The following MYO18B variants were observed in gnomAD, a reference collection of about 807,000 sequenced individuals.
The protein encoded by MYO18B is myosin XVIIIB, also known as unconventional myosin-XVIIIb.
A neutral mutation model predicts 273.0 loss-of-function variants in MYO18B; 204 were observed. The ratio of observed to expected loss-of-function variants is 0.75; its 90% CI spans 0.67 to 0.84. The LOEUF is 0.84. MYO18B is among the 40% of genes least tolerant of loss of function. MYO18B has a pLI of 0.00. For missense variants in MYO18B, 3,212 were observed against 3,287.6 expected, an observed-to-expected ratio of 0.98 and a Z score of 0.56; for synonymous variants, 1,330 against 1,305.7, an observed-to-expected ratio of 1.02 and a Z score of -0.40.
chr22:26,021,754 C>T (rs1410323693), intron 42 of MYO18B, among the ~76,000 whole-genome samples: 2 of 152,178 alleles, frequency 1.3e-5, no homozygotes, highest in African/African-American at 4.8e-5. Context: ...TGTGTGCTTG[C>T]AGAGGTTACT....
the MYO18B span, among the ~76,000 whole-genome samples, chr22:26,051,213 T>TC: frequency 4.5e-4 from 64 of 143,686 alleles, no homozygotes; most frequent in African/African-American, 1.4e-3. Context: ...GGATAATTGG[T>TC]CCCTTTTTTT....
At chr22:25,925,340 C>T (rs1170900302) in intron 34 of MYO18B, among the ~76,000 whole-genome samples, 1 of 151,950 alleles carries the variant, frequency 6.6e-6, no homozygotes, top group Non-Finnish European at 1.5e-5. Flanking sequence ...ATTTATCCCT[C>T]AGAACACCCT....
At chr22:25,929,194 TATAAC>T (rs1286512031) in intron 34 of MYO18B, among the ~76,000 whole-genome samples, 1 of 147,356 alleles carries the variant, frequency 6.8e-6, no homozygotes, top group Non-Finnish European at 1.5e-5. Flanking sequence ...GATCTCAAAA[TATAAC>T]ATAACATCCC....
chr22:25,849,741 AT>A (rs1234034904), intron 20 of MYO18B, among the ~76,000 whole-genome samples: 2 of 152,196 alleles, frequency 1.3e-5, no homozygotes, highest in African/African-American at 4.8e-5. Context: ...CCTAGAGCTT[AT>A]CTCCCTGTCC....
At position 25,771,000 on chromosome 22, in the gene MYO18B, C is replaced by G; in HGVS notation, c.1692+16C>G. ...TGTCCATCGGGTGAGTCCCCTGTCC[C>G]GCCGTCCCCCAGCATGAGTCCCCTG... On this transcript the variant is annotated intron_variant, in intron 6 of 43. Coordinates refer to ENST00000335473, the MANE Select transcript of MYO18B (RefSeq NM_032608.7). The G allele has an allele frequency of 6.5e-7, 1 of 1,527,110 alleles. No homozygotes were observed. The highest frequency in any genetic ancestry group is 8.9e-7 in the Non-Finnish European group (1 of 1,124,688). 94.6% of individuals were successfully genotyped at this position (1,527,110 alleles called of 1,614,324 possible).
At chr22:25,814,873 G>T (rs1475141781) in intron 12 of MYO18B, among the ~76,000 whole-genome samples, 3 of 152,174 alleles carry the variant, frequency 2.0e-5, no homozygotes, top group Admixed American at 6.5e-5. Context: ...CCCATTTTAT[G>T]GATGAGTAAG....
chr22:25,944,633 A>G (rs2092683285), intron 34 of MYO18B, among the ~76,000 whole-genome samples: 1 of 152,112 alleles, frequency 6.6e-6, no homozygotes, highest in South Asian at 2.1e-4. Flanking sequence ...GCAGATCACA[A>G]GGTCAGGAGT....
At chr22:26,061,228 T>C in the MYO18B span, among the ~76,000 whole-genome samples, 2 of 152,210 alleles carry the variant, frequency 1.3e-5, no homozygotes, top group African/African-American at 4.8e-5. Context: ...TGTTAGTAAA[T>C]TCCTCAGCCC....
rs71191082 is a variant in MYO18B, at chr22:25,836,964, A to AAATAATAATAAT, written c.3208+1557_3208+1568dup. On this transcript the variant is annotated intron_variant, in intron 17 of 43. Transcript: ENST00000335473. ...ACAACAAGAGTGAAATTCCATCTCAAAATAATAATAATAATAATAATAATA... is the reference window on the plus strand; with the variant it reads ...ACAACAAGAGTGAAATTCCATCTCAAAATAATAATAATAATAATAATAATAATAATAATAATA... Among the ~76,000 whole-genome samples, 576 of 142,146 alleles carry AAATAATAATAAT rather than the reference A, an allele frequency of 4.1e-3. 3 individuals are homozygous for AAATAATAATAAT. Among genetic ancestry groups the AAATAATAATAAT allele is most frequent in the Non-Finnish European group, 4.0e-3 (265 of 65,742 alleles). 93.3% of individuals were successfully genotyped at this position (142,146 alleles called of 152,430 possible). A position where few individuals can be genotyped will look rare whatever the true frequency, so the allele number is the denominator to read the frequency against.
intron 23 of MYO18B, 143 bp from the exon 24 acceptor site, chr22:25,876,040 GTGTGTA>G (rs56376054): frequency 0.015 from 6,914 of 465,266 alleles, 161 homozygotes; most frequent in African/African-American, 0.064. Context: ...GTGTGTGTGT[GTGTGTA>G]TGTGTTTTAA....
chr22:26,006,399 A>G (rs999032165), intron 42 of MYO18B: 5 of 246,154 alleles, frequency 2.0e-5, no homozygotes, highest in Non-Finnish European at 4.3e-5. Context: ...TTTACATTGT[A>G]ATGGCCTGTT....
At chr22:25,953,907 A>G (rs535228701) in intron 38 of MYO18B, among the ~76,000 whole-genome samples, 1 of 152,028 alleles carries the variant, frequency 6.6e-6, no homozygotes, top group South Asian at 2.1e-4. Flanking sequence ...AACTCCTTCC[A>G]CTCTTCCTGC....
intron 22 of MYO18B, among the ~76,000 whole-genome samples, chr22:25,870,233 A>G (rs1481543269): frequency 6.6e-6 from 1 of 152,240 alleles, no homozygotes; most frequent in African/African-American, 2.4e-5. Flanking sequence ...ATGGGGATAC[A>G]TTCTGAGAAA....
chr22:25,851,631 G>C, intron 21 of MYO18B, 52 bp downstream of exon 21: 3 of 1,323,202 alleles, frequency 2.3e-6, no homozygotes, highest in South Asian at 1.3e-5. Context: ...GGATATGTTG[G>C]TTATTGGACA....
intron 42 of MYO18B, among the ~76,000 whole-genome samples, chr22:26,017,185 C>G (rs1406809351): frequency 6.6e-6 from 1 of 150,974 alleles, no homozygotes; most frequent in Non-Finnish European, 1.5e-5. Flanking sequence ...TTCCTTCCTT[C>G]CTTTTTCTTT....
At position 25,843,853 on chromosome 22, in the gene MYO18B, C is replaced by T; in HGVS notation, c.3327C>T (p.Leu1109=). The change falls in exon 18 of 44, where the codon CTC becomes CTT. Residue 1109 remains leucine, a synonymous_variant. Transcript: ENST00000335473. ...TGWLHRAKPN[L]SALDAPQVLH... ...GGCTCCACAGAGCCAAGCCCAACCT[C>T]TCGGCCCTGGATGCACCCCAGGTCC... The T allele has an allele frequency of 6.2e-7, 1 of 1,613,392 alleles. No homozygotes were observed. The highest frequency in any genetic ancestry group is 2.2e-5 in the East Asian group (1 of 44,872).
chr22:25,967,276 C>T (rs1360552544), intron 39 of MYO18B, among the ~76,000 whole-genome samples: 2 of 151,990 alleles, frequency 1.3e-5, no homozygotes, highest in Admixed American at 6.6e-5. Flanking sequence ...CAAATAAATC[C>T]AATTTATATT....
At chr22:25,934,453 G>A (rs2092551060) in intron 34 of MYO18B, among the ~76,000 whole-genome samples, 1 of 152,162 alleles carries the variant, frequency 6.6e-6, no homozygotes, top group African/African-American at 2.4e-5. Context: ...CCAAGACTCT[G>A]TGAACCCCCA....
intron 16 of MYO18B, among the ~76,000 whole-genome samples, chr22:25,834,695 C>G (rs1464464694): frequency 6.6e-6 from 1 of 152,164 alleles, no homozygotes; most frequent in Non-Finnish European, 1.5e-5. Flanking sequence ...CTCTCAGTTT[C>G]CCATATGCAA....
Sources: gnomAD v4.1 joint callset for allele counts (sites outside exome capture counted in the v4.1 genomes callset) on GRCh38, gnomAD v4.1.1 for gene constraint, MANE v1.5 for transcripts, NCBI Gene and HGNC (gene_info 2026-07-23, HGNC 2026-07-21) for gene names.